GTF2A1L: variants seen among roughly 807,000 people sequenced by gnomAD.
GTF2A1L encodes the protein TFIIA-alpha and beta-like factor.
GTF2A1L carries 48 observed loss-of-function variants against 49.7 expected under a neutral mutation model. The observed-to-expected ratio is 0.97, with a 90% CI of 0.77 to 1.23. The LOEUF is 1.23. Ranked by LOEUF, GTF2A1L falls within the 50% of genes most tolerant of loss-of-function variation. GTF2A1L has a pLI of 0.00. For missense variants in GTF2A1L, 736 were observed against 564.8 expected (o/e 1.30, Z -3.07); for synonymous variants, 246 against 193.5 (o/e 1.27, Z -2.25).
intron 1 of GTF2A1L, 145 bp from the exon 2 acceptor site, chr2:48,620,706 C>T (rs756898656): frequency 1.8e-5 from 6 of 332,752 alleles, no homozygotes; most frequent in Non-Finnish European, 2.7e-5. Flanking sequence ...GAACCTGGGA[C>T]GTGGAAATTG....
At chr2:48,669,504 T>C (rs1309123325) in intron 6 of GTF2A1L, among the ~76,000 whole-genome samples, 1 of 152,240 alleles carries the variant, frequency 6.6e-6, no homozygotes, top group East Asian at 1.9e-4. Context: ...CTCCCTGTGA[T>C]TGTAAGTGGG....
intron 1 of GTF2A1L, among the ~76,000 whole-genome samples, chr2:48,620,218 A>C (rs115557242): frequency 6.6e-6 from 1 of 152,178 alleles, no homozygotes; most frequent in Non-Finnish European, 1.5e-5. Context: ...AAAGGAGTTG[A>C]GGAGGTTAAA....
At chr2:48,642,272 G>A (rs898770742) in intron 3 of GTF2A1L, 130 bp from the exon 4 acceptor site, 2 of 863,908 alleles carry the variant, frequency 2.3e-6, no homozygotes, top group African/African-American at 3.4e-5. Context: ...CTTGGAATCA[G>A]GAAGTTTAGA....
At chr2:48,644,256 A>G (rs1677371005) in intron 4 of GTF2A1L, among the ~76,000 whole-genome samples, 2 of 152,190 alleles carry the variant, frequency 1.3e-5, no homozygotes, top group Non-Finnish European at 2.9e-5. Flanking sequence ...TAACTCTTTG[A>G]TGTTTATTCA....
intron 6 of GTF2A1L, among the ~76,000 whole-genome samples, chr2:48,647,917 G>A (rs1037691061): frequency 6.6e-6 from 1 of 152,096 alleles, no homozygotes; most frequent in Non-Finnish European, 1.5e-5. Flanking sequence ...TTTAGGACAT[G>A]TGAAAAATAC....
intron 6 of GTF2A1L, among the ~76,000 whole-genome samples, chr2:48,665,806 T>C (rs1011642846): frequency 6.6e-6 from 1 of 152,146 alleles, no homozygotes; most frequent in Admixed American, 6.5e-5. Context: ...TCTCTATATA[T>C]TAATTAGGTT....
At chr2:48,632,429 C>T (rs1340278996) in intron 3 of GTF2A1L, 1 of 151,650 alleles carries the variant, frequency 6.6e-6, no homozygotes, top group African/African-American at 2.4e-5. Flanking sequence ...TGTCACTAGG[C>T]TGGAGTGCAG....
intron 8 of GTF2A1L, among the ~76,000 whole-genome samples, chr2:48,678,945 A>AATTCCCT: frequency 6.6e-6 from 1 of 151,884 alleles, no homozygotes; most frequent in African/African-American, 2.4e-5. Context: ...ACCTTCTTCA[A>AATTCCCT]GTTTTTGCTC....
intron 3 of GTF2A1L, among the ~76,000 whole-genome samples, chr2:48,630,341 G>A (rs997399109): frequency 1.4e-5 from 2 of 143,534 alleles, no homozygotes; most frequent in Admixed American, 1.4e-4. Context: ...CCTTCCTTGA[G>A]TAGATGCGTT....
intron 7 of GTF2A1L, among the ~76,000 whole-genome samples, chr2:48,670,694 C>G (rs1024116394): frequency 9.2e-5 from 14 of 152,168 alleles, no homozygotes; most frequent in African/African-American, 3.4e-4. Context: ...AATGCCTTAT[C>G]TTAATAGTCC....
chr2:48,649,013 G>T (rs1291750749), intron 6 of GTF2A1L, among the ~76,000 whole-genome samples: 1 of 152,040 alleles, frequency 6.6e-6, no homozygotes, highest in Non-Finnish European at 1.5e-5. Flanking sequence ...TAAACTACTG[G>T]AGAGCTTATG....
At chr2:48,618,462 G>T (rs997788614) in intron 1 of GTF2A1L, among the ~76,000 whole-genome samples, 4 of 152,046 alleles carry the variant, frequency 2.6e-5, no homozygotes, top group African/African-American at 9.7e-5. Flanking sequence ...TGGCACTTAG[G>T]AGACCATCAA....
At chr2:48,667,336 G>A (rs1678909899) in intron 6 of GTF2A1L, among the ~76,000 whole-genome samples, 1 of 152,080 alleles carries the variant, frequency 6.6e-6, no homozygotes, top group Admixed American at 6.6e-5. Flanking sequence ...GTTGGGAATG[G>A]ACATTACTCT....
At chr2:48,645,837 A>G (rs556038210) in intron 5 of GTF2A1L, among the ~76,000 whole-genome samples, 1 of 152,046 alleles carries the variant, frequency 6.6e-6, no homozygotes, top group African/African-American at 2.4e-5. Flanking sequence ...TTTAGTAGAG[A>G]CAGGGTTTCA....
chr2:48,631,306 G>A (rs572966023), intron 3 of GTF2A1L, among the ~76,000 whole-genome samples: 1 of 152,206 alleles, frequency 6.6e-6, no homozygotes, highest in South Asian at 2.1e-4. Context: ...TTTGGAACTC[G>A]ATATTGGTCT....
chr2:48,628,005 C>T (rs781259600), intron 3 of GTF2A1L, among the ~76,000 whole-genome samples: 1 of 144,124 alleles, frequency 6.9e-6, no homozygotes, highest in Non-Finnish European at 1.6e-5. Context: ...CATTAATTCA[C>T]TTAGGATACC....
chr2:48,621,378 T>C (rs1675992396), intron 3 of GTF2A1L, 88 bp downstream of exon 3: 28 of 1,575,952 alleles, frequency 1.8e-5, no homozygotes, highest in Non-Finnish European at 2.3e-5. Flanking sequence ...AGGGTAATGT[T>C]CTTAGGGTGA....
At chr2:48,664,598 T>A (rs1026140881) in intron 6 of GTF2A1L, among the ~76,000 whole-genome samples, 1 of 152,254 alleles carries the variant, frequency 6.6e-6, no homozygotes, top group East Asian at 1.9e-4. Context: ...CTGTATCTCT[T>A]CTGTTTTCTG....
chr2:48,630,627 C>G lies in GTF2A1L; in HGVS notation c.247+9337C>G, dbSNP rs1191425879. Among the ~76,000 whole-genome samples the G allele has an allele frequency of 2.8e-5, 4 of 143,046 alleles. 1 individual carries two copies. The allele number at this position is 143,046 out of a possible 152,430, so 93.8% of individuals were successfully genotyped here. On this transcript the variant is annotated intron_variant, in intron 3 of 8. Coordinates refer to ENST00000403751, the MANE Select transcript of GTF2A1L (RefSeq NM_006872.5). ...TTACTTTTTCTCTTGAGTGATTGTT[C>G]TATACCTCCAGTATTATATTGAATA...
Sources: allele counts gnomAD v4.1 joint callset (sites outside exome capture counted in the v4.1 genomes callset), GRCh38; gene constraint gnomAD v4.1.1; transcripts MANE v1.5; gene names NCBI Gene and HGNC (gene_info 2026-07-23, HGNC 2026-07-21).